The following SNX13 variants were observed in gnomAD, a reference collection of about 807,000 sequenced individuals.
SNX13 encodes sorting nexin 13.
A neutral mutation model predicts 133.6 loss-of-function variants in SNX13; 45 were observed. The ratio of observed to expected loss-of-function variants is 0.34; its 90% confidence interval spans 0.27 to 0.43. The LOEUF is 0.43. Among genes scored for constraint, SNX13 ranks in the 20% least tolerant of loss-of-function variants. The pLI is 1.00. For synonymous variants in SNX13, 414 were observed against 373.9 expected (o/e 1.11, Z -1.24); for missense variants, 1,032 against 1,145.1 (o/e 0.90, Z 1.43).
At chr7:17,868,794 C>T (rs1793706277) in intron 8 of SNX13, among the ~76,000 whole-genome samples, 1 of 151,994 alleles carries the variant, frequency 6.6e-6, no homozygotes, top group Admixed American at 6.6e-5. Context: ...AAATATAAGA[C>T]TAACAGTGTT....
chr7:17,841,553 T>C (rs376013777), intron 12 of SNX13, among the ~76,000 whole-genome samples: 6 of 142,970 alleles, frequency 4.2e-5, no homozygotes, highest in East Asian at 2.1e-4. Context: ...CAGTTATTCA[T>C]ACACACACAC....
In SNX13 at chr7:17,796,050, A is replaced by G. The variant is rs1053871863; in HGVS notation, c.2626+777T>C. The G allele has an allele frequency of 3.3e-5, 5 of 151,742 alleles. No individual in the cohort carries two copies. In the South Asian group the frequency reaches 1.0e-3, roughly 31 times the overall value. 9.4% of individuals were successfully genotyped at this position (151,742 alleles called of 1,614,324 possible). A position where few individuals can be genotyped will look rare whatever the true frequency, so the allele number is the denominator to read the frequency against. ...GTACAAATATGTCTGTTCATTCTCTACATCCAGAATTAAAATACAGAGAAA... is the reference window on the plus strand; with the variant it reads ...GTACAAATATGTCTGTTCATTCTCTGCATCCAGAATTAAAATACAGAGAAA... On this transcript the variant is annotated intron_variant, in intron 25 of 25. Transcript: ENST00000428135.
Position 17,830,058 on chromosome 7 carries a change from G to C in SNX13, c.1598-11C>G. The C allele has an allele frequency of 6.6e-7, 1 of 1,520,806 alleles. No homozygotes were observed. The highest frequency in any genetic ancestry group is 8.9e-7 in the Non-Finnish European group (1 of 1,128,512). 94.2% of individuals were successfully genotyped at this position (1,520,806 alleles called of 1,614,324 possible). A position where few individuals can be genotyped will look rare whatever the true frequency, so the allele number is the denominator to read the frequency against. ...ACCCATTAAAAGATTCTGCAGGGGGGAAATTCAACTTAGTATACAGCAAAA... is the reference window on the plus strand; with the variant it reads ...ACCCATTAAAAGATTCTGCAGGGGGCAAATTCAACTTAGTATACAGCAAAA... On this transcript the variant is annotated splice_polypyrimidine_tract_variant and intron_variant, in intron 15 of 25. Transcript: ENST00000428135.
At chr7:17,873,382 A>G (rs1794340274) in intron 8 of SNX13, 146 bp downstream of exon 8, 1 of 434,404 alleles carries the variant, frequency 2.3e-6, no homozygotes, top group Admixed American at 4.3e-5. Flanking sequence ...ACTTGTGTAA[A>G]TATTTTAAAG....
intron 18 of SNX13, 134 bp downstream of exon 18, chr7:17,821,375 G>T: frequency 1.3e-6 from 1 of 783,978 alleles, no homozygotes; most frequent in Non-Finnish European, 2.0e-6. Context: ...TTAATTCTAA[G>T]ATTTATGGTG....
chr7:17,890,553 A>AAT lies in SNX13; in HGVS notation c.319-70_319-69insAT, dbSNP rs373633592. Reference sequence around the variant, plus strand: ...TTAAAAAGTTACAGTGGTAAACTAAAAAAGTATGCTGTATCTACCAATTTA... The same window carrying AAT: ...TTAAAAAGTTACAGTGGTAAACTAAAATAAAGTATGCTGTATCTACCAATTTA... On this transcript the variant is annotated intron_variant, in intron 4 of 25. Coordinates refer to ENST00000428135, the MANE Select transcript of SNX13 (RefSeq NM_015132.5). 2,686 of 1,230,314 alleles carry AAT rather than the reference A, an allele frequency of 2.2e-3. 3 individuals are homozygous for AAT. The highest frequency in any genetic ancestry group is 2.4e-3 in the Non-Finnish European group (2,123 of 889,204). 76.2% of individuals were successfully genotyped at this position (1,230,314 alleles called of 1,614,324 possible).
At chr7:17,915,978 A>C (rs1032468007) in intron 1 of SNX13, among the ~76,000 whole-genome samples, 1 of 152,212 alleles carries the variant, frequency 6.6e-6, no homozygotes, top group Non-Finnish European at 1.5e-5. Flanking sequence ...CAGTGGACTA[A>C]AAATAGAAAT....
chr7:17,880,314 C>A (rs906049066), intron 5 of SNX13: 1 of 152,142 alleles, frequency 6.6e-6, no homozygotes, highest in Non-Finnish European at 1.5e-5. Context: ...CAACCAGCTG[C>A]GAGTAATTCC....
In SNX13 at chr7:17,885,550, G is replaced by C. The variant is rs183824751; in HGVS notation, c.440+4813C>G. On this transcript the variant is annotated intron_variant, in intron 5 of 25. Transcript: ENST00000428135. ...CTACAGATTATAAAAACGTTAGGCT[G>C]GGTGTGGTGGCTCACACCTGTAATC... 2.8e-3 allele frequency among the ~76,000 whole-genome samples: 421 copies of C among 152,314 alleles called. 11 individuals carry two copies. The highest frequency in any genetic ancestry group is 0.025 in the Admixed American group (384 of 15,288).
chr7:17,806,876 C>T (rs1785362044), intron 20 of SNX13, among the ~76,000 whole-genome samples: 1 of 152,172 alleles, frequency 6.6e-6, no homozygotes, highest in Admixed American at 6.5e-5. Context: ...CTTCCCTAGC[C>T]AAGGGAAGCC....
chr7:17,905,146 A>G (rs1798255147), intron 1 of SNX13, among the ~76,000 whole-genome samples: 1 of 152,208 alleles, frequency 6.6e-6, no homozygotes, highest in South Asian at 2.1e-4. Flanking sequence ...GCAGCAACAT[A>G]TGCATGGCTA....
chr7:17,893,272 A>C, intron 3 of SNX13, 60 bp downstream of exon 3: 1 of 1,119,598 alleles, frequency 8.9e-7, no homozygotes, highest in Non-Finnish European at 1.3e-6. Flanking sequence ...ACAGATGATT[A>C]CTCTATTATC....
chr7:17,841,985 T>A (rs148599054), intron 12 of SNX13, among the ~76,000 whole-genome samples: 265 of 151,836 alleles, frequency 1.7e-3, no homozygotes, highest in African/African-American at 6.0e-3. Flanking sequence ...CAAAGAAGAG[T>A]AAACAGAGCC....
At chr7:17,832,049 TCCTAGAAAGAC>T in intron 15 of SNX13, 5 of 983,474 alleles carry the variant, frequency 5.1e-6, no homozygotes, top group Non-Finnish European at 6.0e-6. Flanking sequence ...GAGAGCAATG[TCCTAGAAAGAC>T]AATAAGATAC....
intron 9 of SNX13, among the ~76,000 whole-genome samples, chr7:17,866,770 AGAGT>A (rs1433411770): frequency 6.6e-6 from 1 of 152,236 alleles, no homozygotes; most frequent in Non-Finnish European, 1.5e-5. Context: ...TCAGACAGAA[AGAGT>A]AAGATCTACC....
intron 2 of SNX13, 66 bp from the exon 3 acceptor site, chr7:17,893,500 C>A: frequency 1.0e-6 from 1 of 1,003,306 alleles, no homozygotes; most frequent in Non-Finnish European, 1.5e-6. Flanking sequence ...GAATCTACTA[C>A]CAAGTATATT....
At chr7:17,868,703 T>A (rs1793697110) in intron 8 of SNX13, among the ~76,000 whole-genome samples, 1 of 152,102 alleles carries the variant, frequency 6.6e-6, no homozygotes, top group Non-Finnish European at 1.5e-5. Context: ...TGGACACATC[T>A]CCACAGTAAC....
At chr7:17,905,307 G>A (rs1798272283) in intron 1 of SNX13, among the ~76,000 whole-genome samples, 1 of 152,034 alleles carries the variant, frequency 6.6e-6, no homozygotes, top group African/African-American at 2.4e-5. Flanking sequence ...TTACTAGGTG[G>A]GTATGTGCTA....
intron 20 of SNX13, among the ~76,000 whole-genome samples, chr7:17,814,410 C>T (rs146242406): frequency 3.9e-5 from 6 of 152,004 alleles, no homozygotes; most frequent in African/African-American, 1.2e-4. Flanking sequence ...GGTCTTAAAC[C>T]CTATTTTAAA....
Sources: allele counts gnomAD v4.1 joint callset (sites outside exome capture counted in the v4.1 genomes callset), GRCh38; gene constraint gnomAD v4.1.1; transcripts MANE v1.5; gene names NCBI Gene and HGNC (gene_info 2026-07-23, HGNC 2026-07-21).